Variants in N4BP1 observed in about 807,000 individuals in gnomAD.
The protein encoded by N4BP1 is NEDD4-binding protein 1.
N4BP1 carries 21 observed loss-of-function variants against 70.9 expected under a neutral mutation model. That is an observed-to-expected ratio of 0.30 (90% CI 0.21 to 0.43). The LOEUF (loss-of-function observed/expected upper bound fraction) is 0.43, where lower values mean the gene tolerates loss of function less well. Among genes scored for constraint, N4BP1 ranks in the 20% least tolerant of loss-of-function variants. The pLI is 1.00. For synonymous variants in N4BP1, 387 were observed against 394.6 expected (o/e 0.98, Z 0.23); for missense variants, 936 against 1,069.4 (o/e 0.88, Z 1.74).
chr16:48,607,299 C>T (rs1009028697), intron 1 of N4BP1, among the ~76,000 whole-genome samples: 3 of 152,134 alleles, frequency 2.0e-5, no homozygotes, highest in Non-Finnish European at 2.9e-5. Flanking sequence ...TCCATGCTTG[C>T]GATGAGTCTT....
At chr16:48,577,315 G>T (rs1004946551) in intron 1 of N4BP1, among the ~76,000 whole-genome samples, 1 of 151,276 alleles carries the variant, frequency 6.6e-6, no homozygotes, top group South Asian at 2.1e-4. Context: ...CCCAGTTTTT[G>T]TTTTTTTTGT....
chr16:48,561,665 A>G lies in N4BP1; in HGVS notation c.978T>C (p.Asp326=). 6.2e-7 allele frequency: 1 copy of G among 1,613,474 alleles called. No individual in the cohort carries two copies. The highest frequency in any genetic ancestry group is 8.5e-7 in the Non-Finnish European group (1 of 1,179,876). Reference sequence around the variant, plus strand: ...TTAAATTTTCAGAATCAGCAGAAGAATCAGATAGGTCAGCTATTACATTTC... The same window carrying G: ...TTAAATTTTCAGAATCAGCAGAAGAGTCAGATAGGTCAGCTATTACATTTC... ...LAGNVIADLS[D]SSADSENLSP... Residue 326 remains aspartate (D), a synonymous_variant, in exon 2 of 7, where the codon GAT becomes GAC. Transcript: ENST00000262384.
chr16:48,542,834 A>G lies in N4BP1; in HGVS notation c.*70T>C. The G allele has an allele frequency of 7.7e-7, 1 of 1,296,240 alleles. No individual in the cohort carries two copies. Among genetic ancestry groups the G allele is most frequent in the African/African-American group, 1.5e-5 (1 of 67,532 alleles). 80.3% of individuals were successfully genotyped at this position (1,296,240 alleles called of 1,614,324 possible). ...GTTTCTTCACATTATGTTCATTCCCATCAGGTACAGGTGTGAGCTTGAGTT... is the reference window on the plus strand; with the variant it reads ...GTTTCTTCACATTATGTTCATTCCCGTCAGGTACAGGTGTGAGCTTGAGTT... On this transcript the variant is annotated 3_prime_UTR_variant, in exon 7 of 7. Transcript: ENST00000262384.
intron 1 of N4BP1, among the ~76,000 whole-genome samples, chr16:48,597,968 C>T (rs976414975): frequency 7.2e-5 from 11 of 152,136 alleles, no homozygotes; most frequent in African/African-American, 2.7e-4. Flanking sequence ...ATGATCCAGA[C>T]AAAGGTGGTT....
At chr16:48,589,832 C>A (rs1227804672) in intron 1 of N4BP1, among the ~76,000 whole-genome samples, 1 of 152,194 alleles carries the variant, frequency 6.6e-6, no homozygotes, top group Non-Finnish European at 1.5e-5. Context: ...CTAATTGACT[C>A]CATCTTGTAT....
rs759263199 is a variant in N4BP1 at position 48,561,725 on chromosome 16, C to T, written c.918G>A (p.Glu306=). The part of the protein sequence containing the change: ...KKQFSLENVQ[E]GEILHDAKTL... ...TCTTAGCATCGTGTAAAATCTCCCC[C>T]TCCTGAACATTTTCCAAAGAAAACT... Residue 306 remains glutamate, a synonymous_variant, in exon 2 of 7, where the codon GAG becomes GAA. Transcript: ENST00000262384. 2 of 1,612,104 alleles carry T rather than the reference C, an allele frequency of 1.2e-6. No homozygotes were observed. Among genetic ancestry groups the T allele is most frequent in the Admixed American group, 1.7e-5 (1 of 60,000 alleles).
At chr16:48,577,146 A>C (rs1175795561) in intron 1 of N4BP1, among the ~76,000 whole-genome samples, 1 of 151,930 alleles carries the variant, frequency 6.6e-6, no homozygotes, top group Non-Finnish European at 1.5e-5. Context: ...TCAAACCAAA[A>C]CCACTTTGTT....
chr16:48,566,924 G>A (rs1231006957), intron 1 of N4BP1, among the ~76,000 whole-genome samples: 3 of 152,180 alleles, frequency 2.0e-5, no homozygotes, highest in Non-Finnish European at 4.4e-5. Flanking sequence ...GTTACATAAT[G>A]TCTTCTTGAA....
intron 6 of N4BP1, among the ~76,000 whole-genome samples, chr16:48,544,865 C>T (rs1223492884): frequency 6.6e-6 from 1 of 152,156 alleles, no homozygotes; most frequent in African/African-American, 2.4e-5. Context: ...AAAATGACCC[C>T]ATCAGGCACT....
intron 1 of N4BP1, among the ~76,000 whole-genome samples, chr16:48,597,202 C>T (rs1964427759): frequency 6.6e-6 from 1 of 152,186 alleles, no homozygotes; most frequent in South Asian, 2.1e-4. Flanking sequence ...TACTCTTTCT[C>T]CATTGCAATT....
At chr16:48,574,136 G>A (rs1469654711) in intron 1 of N4BP1, among the ~76,000 whole-genome samples, 2 of 152,192 alleles carry the variant, frequency 1.3e-5, no homozygotes, top group Non-Finnish European at 2.9e-5. Flanking sequence ...AAGTTAGGGA[G>A]GCTTAGAAGC....
At chr16:48,585,916 C>A (rs3848320) in intron 1 of N4BP1, among the ~76,000 whole-genome samples, 1 of 151,682 alleles carries the variant, frequency 6.6e-6, no homozygotes, top group Non-Finnish European at 1.5e-5. Flanking sequence ...GGCTGGTCTC[C>A]AACTCCTGAT....
intron 1 of N4BP1, among the ~76,000 whole-genome samples, chr16:48,598,955 G>T (rs1161429077): frequency 6.6e-6 from 1 of 152,040 alleles, no homozygotes; most frequent in African/African-American, 2.4e-5. Context: ...TTAAAAAGTT[G>T]TATCTCCTTT....
rs766411853 is a variant in N4BP1, at chr16:48,561,529, C to G, written c.1114G>C (p.Gly372Arg). The G allele has an allele frequency of 6.2e-7, 1 of 1,613,742 alleles. No individual in the cohort carries two copies. Among genetic ancestry groups the G allele is most frequent in the Non-Finnish European group, 8.5e-7 (1 of 1,179,816 alleles). Reference sequence around the variant, plus strand: ...AGCAATAATGGTTCAGTAGATGGTCCATACACCTTAATGACCTTTTCAACA... The same window carrying G: ...AGCAATAATGGTTCAGTAGATGGTCGATACACCTTAATGACCTTTTCAACA... ...EIVEKVIKVY[G>R]PSTEPLLLLE... Residue 372 changes from glycine to arginine, a missense_variant, in exon 2 of 7, where the codon GGA becomes CGA. Coordinates refer to ENST00000262384, the MANE Select transcript of N4BP1 (RefSeq NM_153029.4).
chr16:48,582,257 A>C (rs1023858916), intron 1 of N4BP1, among the ~76,000 whole-genome samples: 1 of 152,186 alleles, frequency 6.6e-6, no homozygotes, highest in African/African-American at 2.4e-5. Context: ...TTAAATAGAA[A>C]ACTCCAGAAA....
At chr16:48,598,282 A>G (rs777763333) in intron 1 of N4BP1, among the ~76,000 whole-genome samples, 2 of 152,178 alleles carry the variant, frequency 1.3e-5, no homozygotes, top group Non-Finnish European at 2.9e-5. Flanking sequence ...AAAATTCAGG[A>G]AGCCATATCA....
At chr16:48,555,481 A>C (rs1446190750) in intron 2 of N4BP1, among the ~76,000 whole-genome samples, 2 of 152,218 alleles carry the variant, frequency 1.3e-5, no homozygotes, top group Non-Finnish European at 1.5e-5. Flanking sequence ...CTCTTTTTAA[A>C]GGCTATTTCT....
At chr16:48,588,289 GT>G (rs1217835071) in intron 1 of N4BP1, among the ~76,000 whole-genome samples, 21 of 136,282 alleles carry the variant, frequency 1.5e-4, no homozygotes, top group Admixed American at 1.1e-3. Flanking sequence ...GTCATACTAT[GT>G]TTTCTTTTTT....
chr16:48,593,847 T>C (rs1295708277), intron 1 of N4BP1, among the ~76,000 whole-genome samples: 1 of 151,736 alleles, frequency 6.6e-6, no homozygotes, highest in Non-Finnish European at 1.5e-5. Flanking sequence ...GTGTCTCTAC[T>C]AAAAATTAGC....
Sources: gnomAD v4.1 joint callset for allele counts (sites outside exome capture counted in the v4.1 genomes callset) on GRCh38, gnomAD v4.1.1 for gene constraint, MANE v1.5 for transcripts, NCBI Gene and HGNC (gene_info 2026-07-23, HGNC 2026-07-21) for gene names.